Variants in NIPBL observed in about 807,000 individuals in gnomAD.
NIPBL encodes the protein NIPBL cohesin loading factor.
A neutral mutation model predicts 321.8 loss-of-function variants in NIPBL; 19 were observed. That is an observed-to-expected ratio of 0.06 (90% CI 0.04 to 0.09). NIPBL has a LOEUF of 0.09. Ranked by LOEUF, NIPBL falls within the 10% of genes least tolerant of loss-of-function variation. The probability of loss-of-function intolerance (pLI) is 1.00; values close to 1 mark genes in which losing one functional copy is unlikely to be tolerated. For missense variants in NIPBL, 2,210 were observed against 3,327.0 expected, an observed-to-expected ratio of 0.66 and a Z score of 8.26; for synonymous variants, 1,106 against 1,114.1, an observed-to-expected ratio of 0.99 and a Z score of 0.14.
In NIPBL at chr5:37,049,259, C is replaced by T. The variant is rs1288682572; in HGVS notation, c.6912C>T (p.Val2304=). The change falls in exon 40 of 47, where the codon GTC becomes GTT. Residue 2304 remains valine (V), a synonymous_variant. Coordinates refer to ENST00000282516, the MANE Select transcript of NIPBL (RefSeq NM_133433.4). The part of the protein sequence containing the change: ...QSSVRHFALN[V]IALTLNQGLI... The stretch of plus-strand genomic sequence containing the variant: ...GTGTACGCCACTTTGCCCTAAATGT[C>T]ATTGCATTGACTCTAAATCAAGGTC... 1.9e-6 allele frequency: 3 copies of T among 1,614,102 alleles called. No individual in the cohort carries two copies. The South Asian group carries it at 3.3e-5, about 18-fold the overall frequency.
chr5:37,046,293 A>G (rs2149733969), intron 38 of NIPBL, 94 bp downstream of exon 38: 1 of 771,130 alleles, frequency 1.3e-6, no homozygotes, highest in South Asian at 1.4e-5. Flanking sequence ...TTACTTTAAT[A>G]TGTTTCTATT....
chr5:37,036,404 C>A lies in NIPBL; in HGVS notation c.5888C>A (p.Ser1963Ter). ...TTGTTGAAGTCCGAAGAGGATTCCT[C>A]ATATAAACCTGTGAAGAAAGCTTGT... is the stretch of plus-strand genomic sequence containing the variant. ...QNLLKSEEDS[S>*]YKPVKKACTQ... Residue 1963 changes from serine to a stop codon, truncating the protein, a stop_gained, in exon 33 of 47, where the codon TCA becomes TAA. Transcript: ENST00000282516. LOFTEE classifies it high-confidence loss of function. 7.2e-7 allele frequency: 1 copy of A among 1,397,072 alleles called. No individual in the cohort carries two copies. Among genetic ancestry groups the A allele is most frequent in the Non-Finnish European group, 9.4e-7 (1 of 1,059,108 alleles). The allele number at this position is 1,397,072 out of a possible 1,614,324, so 86.5% of individuals were successfully genotyped here. A position where few individuals can be genotyped will look rare whatever the true frequency, so the allele number is the denominator to read the frequency against.
chr5:37,017,145 G>C lies in NIPBL; in HGVS notation c.4903G>C (p.Glu1635Gln). 1.2e-6 allele frequency: 2 copies of C among 1,611,292 alleles called. No homozygotes were observed. Among genetic ancestry groups the C allele is most frequent in the Non-Finnish European group, 1.7e-6 (2 of 1,177,868 alleles). The part of the protein sequence containing the change: ...VTSKMDQGSI[E>Q]RILKQVSGGE... Reference sequence around the variant, plus strand: ...AAGCAAAATGGATCAAGGATCTATAGAACGCATTTTAAAACAGGTACTAAG... The same window carrying C: ...AAGCAAAATGGATCAAGGATCTATACAACGCATTTTAAAACAGGTACTAAG... Residue 1635 changes from glutamate (E) to glutamine (Q), a missense_variant, in exon 24 of 47, where the codon GAA becomes CAA. This residue lies in a region of NIPBL where 138 missense variants were observed against 175.8 expected (regional missense o/e 0.79). Transcript: ENST00000282516.
chr5:36,883,088 A>G (rs144485622), intron 1 of NIPBL, among the ~76,000 whole-genome samples: 2 of 152,058 alleles, frequency 1.3e-5, no homozygotes, highest in East Asian at 3.9e-4. Flanking sequence ...ATTTTAAAAA[A>G]ATGATCAGTC....
chr5:37,060,785 T>G, intron 44 of NIPBL, 59 bp from the exon 45 acceptor site: 1 of 1,439,432 alleles, frequency 6.9e-7, no homozygotes, highest in South Asian at 1.2e-5. Context: ...ATAATTGGAT[T>G]TCTCCAAATA....
chr5:37,063,603 G>T (rs570218351), intron 45 of NIPBL, among the ~76,000 whole-genome samples, 187 bp from the exon 46 acceptor site: 31 of 152,248 alleles, frequency 2.0e-4, no homozygotes, highest in African/African-American at 7.5e-4. Flanking sequence ...CAGACTATTT[G>T]ACCTTCAAAA....
chr5:37,020,183 G>A (rs1001444677), intron 25 of NIPBL, among the ~76,000 whole-genome samples: 3 of 152,140 alleles, frequency 2.0e-5, no homozygotes, highest in African/African-American at 7.2e-5. Flanking sequence ...TGATTAAGTA[G>A]TTGATAATAG....
intron 1 of NIPBL, among the ~76,000 whole-genome samples, chr5:36,940,460 T>A (rs1738943096): frequency 6.6e-6 from 1 of 151,732 alleles, no homozygotes; most frequent in Non-Finnish European, 1.5e-5. Flanking sequence ...TTACATAATC[T>A]TCTTTCCTTA....
chr5:37,054,229 CT>C (rs990236416), intron 42 of NIPBL, among the ~76,000 whole-genome samples: 5 of 150,356 alleles, frequency 3.3e-5, no homozygotes, highest in African/African-American at 9.7e-5. Context: ...AAAAGAAATA[CT>C]TTAATTACTT....
intron 1 of NIPBL, among the ~76,000 whole-genome samples, chr5:36,931,239 G>A (rs1374595850): frequency 6.6e-6 from 1 of 151,812 alleles, no homozygotes; most frequent in Non-Finnish European, 1.5e-5. Context: ...CTGGTAATTT[G>A]TCTTTTGAAG....
At chr5:36,999,298 G>C (rs1746512276) in intron 11 of NIPBL, among the ~76,000 whole-genome samples, 1 of 152,282 alleles carries the variant, frequency 6.6e-6, no homozygotes, top group South Asian at 2.1e-4. Flanking sequence ...GCAGTTGCTA[G>C]TCAAATAACA....
chr5:36,992,884 A>G (rs1745707466), intron 10 of NIPBL, among the ~76,000 whole-genome samples: 1 of 151,882 alleles, frequency 6.6e-6, no homozygotes, highest in African/African-American at 2.4e-5. Context: ...CTGGGACTAC[A>G]GGCACCCGCC....
At chr5:37,064,389 G>A (rs1412035818) in intron 46 of NIPBL, 138 bp from the exon 47 acceptor site, 12 of 1,531,532 alleles carry the variant, frequency 7.8e-6, no homozygotes, top group South Asian at 1.2e-5. Context: ...GTCACGGTGC[G>A]TCTCATTGCC....
intron 6 of NIPBL, 63 bp from the exon 7 acceptor site, chr5:36,970,813 T>G: frequency 7.4e-7 from 1 of 1,359,456 alleles, no homozygotes; most frequent in South Asian, 1.2e-5. Flanking sequence ...TGTGAATAAT[T>G]ACTATTCTCC....
At chr5:37,062,543 G>A (rs1222486275) in intron 45 of NIPBL, among the ~76,000 whole-genome samples, 2 of 150,334 alleles carry the variant, frequency 1.3e-5, no homozygotes, top group African/African-American at 4.9e-5. Flanking sequence ...GGTTTCCAGT[G>A]ATTAAAAAAA....
chr5:37,025,724 C>G (rs1018827150), intron 30 of NIPBL, among the ~76,000 whole-genome samples: 23 of 151,998 alleles, frequency 1.5e-4, no homozygotes, highest in African/African-American at 5.6e-4. Context: ...CCCCAGTTAC[C>G]CTGATTTGAT....
chr5:36,899,143 C>G (rs1180727256), intron 1 of NIPBL, among the ~76,000 whole-genome samples: 1 of 152,058 alleles, frequency 6.6e-6, no homozygotes, highest in Non-Finnish European at 1.5e-5. Context: ...TCTTGAAATT[C>G]ATGAAATCCA....
rs529130223 is a variant in NIPBL, at chr5:36,896,112, G to A, written c.-80+18934G>A. On this transcript the variant is annotated intron_variant, in intron 1 of 46. Coordinates refer to ENST00000282516, the MANE Select transcript of NIPBL (RefSeq NM_133433.4). ...ATTTTGAGTTAATCTTTTTCATAAG[G>A]TATGAGGTAGGGATCCAACTTCATT... Among the ~76,000 whole-genome samples the A allele has an allele frequency of 2.6e-5, 4 of 152,280 alleles. No homozygotes were observed. In the South Asian group the frequency reaches 6.2e-4, roughly 24 times the overall value.
intron 1 of NIPBL, among the ~76,000 whole-genome samples, chr5:36,942,235 C>A (rs1739167135): frequency 6.6e-6 from 1 of 151,488 alleles, no homozygotes; most frequent in East Asian, 1.9e-4. Flanking sequence ...GAGTTTGAGA[C>A]CAGCCTGGCC....
Sources: allele counts gnomAD v4.1 joint callset (sites outside exome capture counted in the v4.1 genomes callset), GRCh38; gene constraint gnomAD v4.1.1; regional missense constraint gnomAD v4.1.1; transcripts MANE v1.5; gene names NCBI Gene and HGNC (gene_info 2026-07-23, HGNC 2026-07-21).